The following EIF3B variants were observed in gnomAD, a reference collection of about 807,000 sequenced individuals.
EIF3B encodes eukaryotic translation initiation factor 3 subunit 9.
In EIF3B, 10 loss-of-function variants were observed where a neutral mutation model predicts 104.6. The ratio of observed to expected loss-of-function variants is 0.10; its 90% CI spans 0.06 to 0.16. EIF3B has a LOEUF of 0.16. EIF3B is among the 10% of genes least tolerant of loss of function. The pLI is 1.00. For missense variants in EIF3B, 1,014 were observed against 1,087.9 expected, an observed-to-expected ratio of 0.93 and a Z score of 0.96; for synonymous variants, 542 against 417.2, an observed-to-expected ratio of 1.30 and a Z score of -3.65.
At chr7:2,378,520 G>T in intron 15 of EIF3B, 169 bp from the exon 16 acceptor site, 1 of 560,512 alleles carries the variant, frequency 1.8e-6, no homozygotes, top group East Asian at 3.3e-5. Context: ...GGGAAGCTGT[G>T]TTGTGTGAAT....
rs1427594356 is a variant in EIF3B, at chr7:2,380,515, C to T, written c.*326C>T. 4 of 447,742 alleles carry T rather than the reference C, an allele frequency of 8.9e-6. No homozygotes were observed. Among genetic ancestry groups the T allele is most frequent in the Non-Finnish European group, 1.3e-5 (3 of 224,262 alleles). The allele number at this position is 447,742 out of a possible 1,614,324, so 27.7% of individuals were successfully genotyped here. A position where few individuals can be genotyped will look rare whatever the true frequency, so the allele number is the denominator to read the frequency against. ...GCCGGCGTTGGCTCCGAAGACTTAG[C>T]GACGCCACTGGCGGCACCTTCTCCT... On this transcript the variant is annotated 3_prime_UTR_variant, in exon 19 of 19. Coordinates refer to ENST00000360876, the MANE Select transcript of EIF3B (RefSeq NM_001037283.2).
chr7:2,361,013 C>A, intron 2 of EIF3B, 111 bp downstream of exon 2: 1 of 800,978 alleles, frequency 1.2e-6, no homozygotes, highest in Non-Finnish European at 1.9e-6. Context: ...GGCACGTGGG[C>A]CGTTCACTTC....
chr7:2,366,799 G>C (rs1292965731), intron 8 of EIF3B, 200 bp from the exon 9 acceptor site: 1 of 799,182 alleles, frequency 1.3e-6, no homozygotes, highest in Admixed American at 2.7e-5. Flanking sequence ...GGGAAGTCCT[G>C]GATGGGAGTT....
At chr7:2,379,064 G>A in intron 16 of EIF3B, 70 bp from the exon 17 acceptor site, 11 of 1,354,796 alleles carry the variant, frequency 8.1e-6, no homozygotes, top group Non-Finnish European at 1.2e-5. Flanking sequence ...CGTCCGCCTG[G>A]GTGTGGGCTC....
chr7:2,369,109 T>C (rs1395477673), intron 9 of EIF3B, among the ~76,000 whole-genome samples: 2 of 152,216 alleles, frequency 1.3e-5, no homozygotes, highest in Non-Finnish European at 2.9e-5. Flanking sequence ...TTAGATGACA[T>C]GTAGCCAGAT....
chr7:2,379,182 C>T lies in EIF3B; in HGVS notation c.2281C>T (p.Arg761Trp), dbSNP rs1288864122. The change falls in exon 17 of 19, where the codon CGG becomes TGG. Residue 761 changes from arginine to tryptophan, a missense_variant. Around this residue, in one of 4 missense-constraint regions of EIF3B, gnomAD observed 266 missense variants for 324.0 expected, o/e 0.82. Transcript: ENST00000360876. The stretch of plus-strand genomic sequence containing the variant: ...CATGATGGAAGATTTCCGGAAGTAC[C>T]GGAAAATGGCCCAGGAGCTCTATAT... ...RTMMEDFRKYRKMAQELYMEQ... is the reference protein window; with the variant it reads ...RTMMEDFRKYWKMAQELYMEQ... The T allele has an allele frequency of 6.2e-7, 1 of 1,613,750 alleles. No individual in the cohort carries two copies. The highest frequency in any genetic ancestry group is 2.2e-5 in the East Asian group (1 of 44,900).
intron 12 of EIF3B, 87 bp from the exon 13 acceptor site, chr7:2,374,441 A>G (rs1780527647): frequency 3.0e-6 from 4 of 1,341,578 alleles, no homozygotes; most frequent in Admixed American, 1.8e-5. Context: ...CATGGGCAGC[A>G]TGAGCACGGC....
rs1343563914 is a variant in EIF3B, at chr7:2,360,902, G to C, written c.692G>C (p.Gly231Ala). 1 of 1,605,518 alleles carries C rather than the reference G, an allele frequency of 6.2e-7. No homozygotes were observed. The highest frequency in any genetic ancestry group is 1.3e-5 in the African/African-American group (1 of 74,906). The stretch of plus-strand genomic sequence containing the variant: ...CCTGAAGAGGATGGGAAGACAAAAG[G>C]GTGAGTGTTCTCCTGTTGGAGAAGT... ...FYPEEDGKTK[G>A]YIFLEYASPA... Residue 231 changes from glycine to alanine, a missense_variant and splice_region_variant, in exon 2 of 19, where the codon GGG becomes GCG. By Grantham distance (60) the Gly-to-Ala change is moderately conservative (BLOSUM62 0). Coordinates refer to ENST00000360876, the MANE Select transcript of EIF3B (RefSeq NM_001037283.2).
chr7:2,369,631 G>C lies in EIF3B; in HGVS notation c.1563G>C (p.Lys521Asn). 6.2e-7 allele frequency: 1 copy of C among 1,614,178 alleles called. No individual in the cohort carries two copies. Among genetic ancestry groups the C allele is most frequent in the Non-Finnish European group, 8.5e-7 (1 of 1,180,038 alleles). Residue 521 changes from lysine (K) to asparagine (N), a missense_variant, in exon 10 of 19, where the codon AAG becomes AAC. Lys to Asn is a moderately conservative substitution (Grantham distance 94, BLOSUM62 0). Around this residue, in one of 4 missense-constraint regions of EIF3B, gnomAD observed 59 missense variants for 118.8 expected, o/e 0.50. Coordinates refer to ENST00000360876, the MANE Select transcript of EIF3B (RefSeq NM_001037283.2). ...TGGACTGCAAGCTCCATTGGCAGAA[G>C]AACGGAGACTACTTGTGTGTGAAAG... ...NVVDCKLHWQ[K>N]NGDYLCVKVD...
chr7:2,363,272 G>T, intron 4 of EIF3B, 145 bp downstream of exon 4: 1 of 789,136 alleles, frequency 1.3e-6, no homozygotes, highest in African/African-American at 1.7e-5. Flanking sequence ...GGGCAACAAA[G>T]TGAGACCCCC....
chr7:2,371,907 G>C (rs62444166), intron 11 of EIF3B, 58 bp downstream of exon 11: 5 of 1,372,296 alleles, frequency 3.6e-6, no homozygotes, highest in African/African-American at 1.4e-5. Flanking sequence ...TTTTACTCTT[G>C]GCTTTAACAC....
chr7:2,374,669 C>T, intron 13 of EIF3B, 63 bp downstream of exon 13: 2 of 1,466,502 alleles, frequency 1.4e-6, no homozygotes, highest in Non-Finnish European at 1.9e-6. Context: ...GCAGAGACCC[C>T]TCAGGCGCCT....
Position 2,355,005 on chromosome 7 carries a change from G to C in EIF3B, c.84G>C (p.Pro28=). 1 of 1,180,768 alleles carries C rather than the reference G, an allele frequency of 8.5e-7. No individual in the cohort carries two copies. 73.1% of individuals were successfully genotyped at this position (1,180,768 alleles called of 1,614,324 possible). Residue 28 remains proline (P), a synonymous_variant, in exon 1 of 19, where the codon CCG becomes CCC. Coordinates refer to ENST00000360876, the MANE Select transcript of EIF3B (RefSeq NM_001037283.2). ...GCCAGCAGCAGCCGGCCGCCGAGCC[G>C]CCGCCAGCCGAGGGGCTGCTGCGGC... The part of the protein sequence containing the change: ...EPGQQQPAAE[P]PPAEGLLRPA...
At chr7:2,364,649 C>A in intron 6 of EIF3B, 120 bp downstream of exon 6, 3 of 887,714 alleles carry the variant, frequency 3.4e-6, no homozygotes, top group African/African-American at 1.7e-5. Flanking sequence ...GTATGCAGAA[C>A]GCTAATAAGC....
At chr7:2,368,130 C>T (rs1780134764) in intron 9 of EIF3B, among the ~76,000 whole-genome samples, 1 of 151,780 alleles carries the variant, frequency 6.6e-6, no homozygotes, top group African/African-American at 2.4e-5. Context: ...TGGCGTGAGC[C>T]ACCACACCCA....
chr7:2,361,073 G>A (rs1454355715), intron 2 of EIF3B, among the ~76,000 whole-genome samples, 171 bp downstream of exon 2: 1 of 152,174 alleles, frequency 6.6e-6, no homozygotes, highest in Non-Finnish European at 1.5e-5. Flanking sequence ...ATGAGAAGAT[G>A]ATAAAGTTTG....
At chr7:2,372,817 C>G (rs201575264) in intron 12 of EIF3B, 22 bp downstream of exon 12, 24 of 1,611,594 alleles carry the variant, frequency 1.5e-5, no homozygotes, top group Non-Finnish European at 2.0e-5. Flanking sequence ...GGTCCCTTTC[C>G]TCTTCTGAGT....
chr7:2,358,515 A>T (rs538441399), intron 1 of EIF3B, among the ~76,000 whole-genome samples: 1 of 152,028 alleles, frequency 6.6e-6, no homozygotes, highest in Non-Finnish European at 1.5e-5. Context: ...CATATTTAGT[A>T]TGTTGGAATT....
At chr7:2,364,341 G>A (rs763428861) in intron 5 of EIF3B, 31 bp from the exon 6 acceptor site, 2 of 1,555,646 alleles carry the variant, frequency 1.3e-6, no homozygotes, top group Non-Finnish European at 1.7e-6. Context: ...CCATTTTGTT[G>A]TATTAACGTT....
Sources: gnomAD v4.1 joint callset for allele counts (sites outside exome capture counted in the v4.1 genomes callset) on GRCh38, gnomAD v4.1.1 for gene constraint, gnomAD v4.1.1 regional missense constraint, MANE v1.5 for transcripts, NCBI Gene and HGNC (gene_info 2026-07-23, HGNC 2026-07-21) for gene names.